ZFHX3: variants seen among roughly 807,000 people sequenced by gnomAD.
ZFHX3 encodes the protein zinc finger homeobox protein 3.
Under a neutral mutation model 279.1 loss-of-function variants are expected in ZFHX3, and 42 were observed. The observed-to-expected ratio is 0.15, with a 90% confidence interval of 0.12 to 0.19. The LOEUF is 0.19. ZFHX3 is among the 10% of genes least tolerant of loss of function. ZFHX3 has a pLI of 1.00. For missense variants in ZFHX3, 4,981 were observed against 4,754.0 expected (o/e 1.05, Z -1.40); for synonymous variants, 2,293 against 1,957.8 (o/e 1.17, Z -4.52).
Position 72,889,930 on chromosome 16 carries a change from A to C in ZFHX3, c.3249T>G (p.Gly1083=), listed in dbSNP as rs200405273. ...GAACGCAGTGGTAGTAGCAGCTCTC[A>C]CCTTCTACACCACTCTCATGCTGCT... ...HLQQHESGVE[G]ESCYYHCVLC... is the part of the protein sequence containing the mutation. Residue 1083 remains glycine, a synonymous_variant, in exon 4 of 10, where the codon GGT becomes GGG. Transcript: ENST00000268489. The C allele has an allele frequency of 1.2e-6, 2 of 1,614,016 alleles. No homozygotes were observed. The highest frequency in any genetic ancestry group is 1.7e-6 in the Non-Finnish European group (2 of 1,180,012).
chr16:73,170,223 G>GTTTTTTTTTTTTGTTTT (rs1967487862), intron 5 of ZFHX3, among the ~76,000 whole-genome samples: 1 of 57,718 alleles, frequency 1.7e-5, no homozygotes, highest in African/African-American at 7.3e-5. Flanking sequence ...CCTTTCACTA[G>GTTTTTTTTTTTTGTTTT]TTTTTTTTTT....
At chr16:73,420,546 C>G (rs2017697697) in intron 3 of ZFHX3, 1 of 152,200 alleles carries the variant, frequency 6.6e-6, no homozygotes, top group African/African-American at 2.4e-5. Flanking sequence ...TCCTCCCAAA[C>G]AAAGCGCATA....
intron 4 of ZFHX3, among the ~76,000 whole-genome samples, chr16:72,852,803 C>T (rs565867530): frequency 8.5e-5 from 13 of 152,316 alleles, no homozygotes; most frequent in African/African-American, 3.1e-4. Flanking sequence ...GTAGTTTTCT[C>T]CTCCAAAGAA....
At chr16:73,543,302 AC>A (rs1567514691) in intron 2 of ZFHX3, among the ~76,000 whole-genome samples, 1 of 152,212 alleles carries the variant, frequency 6.6e-6, no homozygotes, top group Admixed American at 6.5e-5. Flanking sequence ...ATAGTGCATA[AC>A]AAATACGATT....
At chr16:73,118,801 G>A (rs1255486076) in intron 7 of ZFHX3, among the ~76,000 whole-genome samples, 1 of 152,170 alleles carries the variant, frequency 6.6e-6, no homozygotes, top group Non-Finnish European at 1.5e-5. Context: ...TACATGTTGA[G>A]TAGCCAAAGG....
intron 1 of ZFHX3, among the ~76,000 whole-genome samples, chr16:73,808,202 G>A (rs1012217861): frequency 3.9e-5 from 6 of 152,266 alleles, no homozygotes; most frequent in South Asian, 2.1e-4. Context: ...TAAAACCATC[G>A]ATGTAGATCA....
At chr16:73,773,873 C>T (rs575925670) in intron 1 of ZFHX3, among the ~76,000 whole-genome samples, 16 of 152,268 alleles carry the variant, frequency 1.1e-4, no homozygotes, top group African/African-American at 3.6e-4. Flanking sequence ...TGCAGTGGCT[C>T]ATGCCTGTAA....
intron 3 of ZFHX3, among the ~76,000 whole-genome samples, chr16:73,333,258 G>C (rs915638867): frequency 9.2e-5 from 14 of 151,990 alleles, no homozygotes; most frequent in African/African-American, 3.4e-4. Context: ...CCCAGACACA[G>C]ATAGAAAAAT....
intron 3 of ZFHX3, among the ~76,000 whole-genome samples, chr16:73,411,920 G>A (rs1046406051): frequency 3.3e-5 from 5 of 152,194 alleles, no homozygotes; most frequent in Non-Finnish European, 7.3e-5. Context: ...GTGGAAATAA[G>A]TCTTTCTTGG....
chr16:73,131,429 C>T (rs1055159091), intron 6 of ZFHX3, among the ~76,000 whole-genome samples: 1 of 152,212 alleles, frequency 6.6e-6, no homozygotes, highest in Non-Finnish European at 1.5e-5. Context: ...CAAAATGTAA[C>T]TTGTCCAAGG....
intron 1 of ZFHX3, among the ~76,000 whole-genome samples, chr16:72,967,728 A>AAC: frequency 1.3e-5 from 2 of 151,278 alleles, no homozygotes; most frequent in East Asian, 3.9e-4. Context: ...CATCCTGGCT[A>AAC]ACACGGTGAA....
intron 5 of ZFHX3, among the ~76,000 whole-genome samples, chr16:73,195,030 G>A (rs970786784): frequency 2.0e-5 from 3 of 152,174 alleles, no homozygotes; most frequent in Admixed American, 2.0e-4. Context: ...TAGGAATTAA[G>A]GGTTAGACCC....
At chr16:73,535,494 C>A (rs2019883526) in intron 2 of ZFHX3, among the ~76,000 whole-genome samples, 1 of 152,210 alleles carries the variant, frequency 6.6e-6, no homozygotes, top group South Asian at 2.1e-4. Context: ...CTTCAAGAAC[C>A]AGTTTTCCAC....
chr16:73,759,079 G>C (rs540658656), intron 1 of ZFHX3, among the ~76,000 whole-genome samples: 2 of 152,194 alleles, frequency 1.3e-5, no homozygotes, highest in African/African-American at 4.8e-5. Flanking sequence ...TGGTATATTT[G>C]TTATGACATA....
At chr16:73,169,017 G>T (rs1050118572) in intron 5 of ZFHX3, among the ~76,000 whole-genome samples, 15 of 152,160 alleles carry the variant, frequency 9.9e-5, no homozygotes, top group Non-Finnish European at 1.6e-4. Context: ...ACTATTGTTT[G>T]GTTCAGCATA....
intron 1 of ZFHX3, among the ~76,000 whole-genome samples, chr16:73,844,733 G>C (rs149698471): frequency 6.6e-6 from 1 of 151,774 alleles, no homozygotes; most frequent in African/African-American, 2.4e-5. Context: ...TAGATGATAG[G>C]TAGATGGATA....
chr16:73,789,866 G>A (rs1959770078), intron 1 of ZFHX3, among the ~76,000 whole-genome samples: 1 of 152,172 alleles, frequency 6.6e-6, no homozygotes. Flanking sequence ...CCTGGAAGCA[G>A]AGAAGAAGAT....
At position 72,796,438 on chromosome 16, in the gene ZFHX3, A is replaced by G. The variant is rs2035905699; in HGVS notation, c.6244T>C (p.Ser2082Pro). 6.2e-7 allele frequency: 1 copy of G among 1,609,300 alleles called. No individual in the cohort carries two copies. Among genetic ancestry groups the G allele is most frequent in the East Asian group, 2.2e-5 (1 of 44,716 alleles). ...TSPTIAPAQP[S>P]VPLTQLSMPM... is the part of the protein sequence containing the mutation. ...ATGGAGAGCTGGGTGAGCGGCACTG[A>G]TGGCTGGGCCGGTGCAATTGTAGGT... Residue 2082 changes from serine (S) to proline (P), a missense_variant, in exon 9 of 10, where the codon TCA (serine) becomes CCA (proline). Ser to Pro is a moderately conservative substitution (Grantham distance 74). Around this residue, in one of 7 missense-constraint regions of ZFHX3, gnomAD observed 1,751 missense variants for 1,770.0 expected, o/e 0.99. Transcript: ENST00000268489.
chr16:73,276,843 T>C (rs7197003), intron 4 of ZFHX3, among the ~76,000 whole-genome samples: 2,647 of 152,314 alleles, frequency 0.017, 80 homozygotes, highest in African/African-American at 0.059. Context: ...TGTTTGCGGA[T>C]GAGGCAAACA....
Sources: allele counts gnomAD v4.1 joint callset (sites outside exome capture counted in the v4.1 genomes callset), GRCh38; gene constraint gnomAD v4.1.1; regional missense constraint gnomAD v4.1.1; transcripts MANE v1.5; gene names NCBI Gene and HGNC (gene_info 2026-07-23, HGNC 2026-07-21).